Variants in NCKIPSD observed in about 807,000 individuals in gnomAD.
NCKIPSD encodes NCK interacting protein with SH3 domain.
NCKIPSD carries 48 observed loss-of-function variants against 73.4 expected under a neutral mutation model. The observed-to-expected ratio is 0.65, with a 90% CI of 0.52 to 0.83. NCKIPSD has a LOEUF of 0.83. Among genes scored for constraint, NCKIPSD ranks in the 40% least tolerant of loss-of-function variants. The probability of loss-of-function intolerance (pLI) is 0.00; values close to 1 mark genes in which losing one functional copy is unlikely to be tolerated. For synonymous variants in NCKIPSD, 422 were observed against 403.6 expected (o/e 1.05, Z -0.54); for missense variants, 884 against 970.2 (o/e 0.91, Z 1.18).
At chr3:48,676,372 T>A (rs2077257237) in intron 12 of NCKIPSD, among the ~76,000 whole-genome samples, 1 of 152,084 alleles carries the variant, frequency 6.6e-6, no homozygotes, top group Non-Finnish European at 1.5e-5. Context: ...TCCTGCCCCA[T>A]CCACTTGACT....
In NCKIPSD at chr3:48,685,656, G is replaced by A; in HGVS notation, c.152C>T (p.Ala51Val). 6.6e-7 allele frequency: 1 copy of A among 1,523,990 alleles called. No individual in the cohort carries two copies. Among genetic ancestry groups the A allele is most frequent in the African/African-American group, 1.4e-5 (1 of 70,752 alleles). The allele number at this position is 1,523,990 out of a possible 1,614,324, so 94.4% of individuals were successfully genotyped here. ...RSGETGYVPP[A>V]YLRRLQGLEQ... is the part of the protein sequence containing the mutation. ...ACTCACCTGCAGGCGGCGCAGGTAG[G>A]CTGGCGGCACGTAGCCCGTCTCACC... The change falls in exon 1 of 13, where the codon GCC (alanine) becomes GTC (valine). Residue 51 changes from alanine (A) to valine (V), a missense_variant. Physicochemically the swap from Ala to Val is moderately conservative, Grantham distance 64. Coordinates refer to ENST00000294129, the MANE Select transcript of NCKIPSD (RefSeq NM_016453.4).
intron 1 of NCKIPSD, among the ~76,000 whole-genome samples, chr3:48,685,035 G>A (rs1055335357): frequency 6.6e-6 from 1 of 151,706 alleles, no homozygotes; most frequent in African/African-American, 2.4e-5. Flanking sequence ...CAAAGCTTGG[G>A]TGTTACATAG....
intron 12 of NCKIPSD, among the ~76,000 whole-genome samples, chr3:48,675,545 A>ATC (rs985126929): frequency 1.4e-5 from 2 of 140,390 alleles, no homozygotes; most frequent in Non-Finnish European, 3.1e-5. Flanking sequence ...ATATATATAT[A>ATC]TCATTTTTTT....
At position 48,685,708 on chromosome 3, in the gene NCKIPSD, A is replaced by C; in HGVS notation, c.100T>G (p.Trp34Gly). The change falls in exon 1 of 13, where the codon TGG (tryptophan) becomes GGG (glycine). Residue 34 changes from tryptophan to glycine, a missense_variant. Physicochemically the swap from Trp to Gly is radical, Grantham distance 184. Coordinates refer to ENST00000294129, the MANE Select transcript of NCKIPSD (RefSeq NM_016453.4). ...CTGCGCGCCCGCGCGGCCAGCCACC[A>C]GTGCGCGCTGCTTCGCTCTAGCACC... ...FLVLERSSAH[W>G]WLAARARSGE... 2.0e-6 allele frequency: 3 copies of C among 1,528,046 alleles called. No individual in the cohort carries two copies. Among genetic ancestry groups the C allele is most frequent in the Non-Finnish European group, 8.7e-7 (1 of 1,143,810 alleles). The allele number at this position is 1,528,046 out of a possible 1,614,324, so 94.7% of individuals were successfully genotyped here. A position where few individuals can be genotyped will look rare whatever the true frequency, so the allele number is the denominator to read the frequency against.
In NCKIPSD at chr3:48,674,552, G is replaced by C; in HGVS notation, c.2161C>G (p.Pro721Ala). The change falls in exon 13 of 13, where the codon CCC becomes GCC. Residue 721 changes from proline (P) to alanine (A), a missense_variant. Coordinates refer to ENST00000294129, the MANE Select transcript of NCKIPSD (RefSeq NM_016453.4). ...CKEFLVLGEA[P>A]S ...GGGAGGACAGCAAGGTGCTAGCTGG[G>C]AGCCTCCCCCAGCACCAGGAATTCC... 6.3e-7 allele frequency: 1 copy of C among 1,590,024 alleles called. No individual in the cohort carries two copies. Among genetic ancestry groups the C allele is most frequent in the Non-Finnish European group, 8.6e-7 (1 of 1,167,332 alleles).
In NCKIPSD at chr3:48,678,685, A is replaced by T; in HGVS notation, c.1844T>A (p.Leu615His). 1 of 1,614,164 alleles carries T rather than the reference A, an allele frequency of 6.2e-7. No individual in the cohort carries two copies. The highest frequency in any genetic ancestry group is 1.1e-5 in the South Asian group (1 of 91,084). Residue 615 changes from leucine (L) to histidine (H), a missense_variant, in exon 12 of 13, where the codon CTC becomes CAC. Leu to His is a moderately conservative substitution (Grantham distance 99, BLOSUM62 -3). Coordinates refer to ENST00000294129, the MANE Select transcript of NCKIPSD (RefSeq NM_016453.4). Reference sequence around the variant, plus strand: ...GCCAAACACGTCCTGCAGGAACTTGAGGACAGAGTGTGGTGGCTGTGGCTC... The same window carrying T: ...GCCAAACACGTCCTGCAGGAACTTGTGGACAGAGTGTGGTGGCTGTGGCTC... ...KHEPQPPHSV[L>H]KFLQDVFGSP...
In NCKIPSD at chr3:48,679,100, C is replaced by G. The variant is rs763965385; in HGVS notation, c.1654G>C (p.Asp552His). 6.2e-7 allele frequency: 1 copy of G among 1,614,072 alleles called. No homozygotes were observed. The highest frequency in any genetic ancestry group is 8.5e-7 in the Non-Finnish European group (1 of 1,179,994). Residue 552 changes from aspartate (D) to histidine (H), a missense_variant, in exon 10 of 13, where the codon GAC becomes CAC. Coordinates refer to ENST00000294129, the MANE Select transcript of NCKIPSD (RefSeq NM_016453.4). ...LPLDTTEQLP[D>H]LCVNLLLALN... is the part of the protein sequence containing the mutation. ...GCCAGAAGCAGGTTCACGCAGAGGT[C>G]CGGCAGCTGCTCTGTGGTGTCCAAG...
intron 1 of NCKIPSD, among the ~76,000 whole-genome samples, chr3:48,683,647 TA>T (rs1326264924): frequency 6.6e-6 from 1 of 152,130 alleles, no homozygotes; most frequent in Non-Finnish European, 1.5e-5. Flanking sequence ...TGGCAAAGGA[TA>T]AACATGAGAG....
In NCKIPSD at chr3:48,678,631, T is replaced by C. The variant is rs1220029917; in HGVS notation, c.1898A>G (p.His633Arg). Residue 633 changes from histidine to arginine, a missense_variant, in exon 12 of 13, where the codon CAC (histidine) becomes CGC (arginine). His to Arg is a conservative substitution (Grantham distance 29). Transcript: ENST00000294129. ...GSPATAAIFY[H>R]TDMMALIDIT... ...GTCAATGAGAGCCATCATGTCTGTG[T>C]GGTAGAAGATGGCAGCTGTGGCCGG... is the stretch of plus-strand genomic sequence containing the variant. The C allele has an allele frequency of 6.2e-7, 1 of 1,614,216 alleles. No individual in the cohort carries two copies. The highest frequency in any genetic ancestry group is 1.1e-5 in the South Asian group (1 of 91,084).
In NCKIPSD at chr3:48,678,698, G is replaced by A. The variant is rs1347978105; in HGVS notation, c.1831C>T (p.Pro611Ser). The stretch of plus-strand genomic sequence containing the variant: ...TGCAGGAACTTGAGGACAGAGTGTG[G>A]TGGCTGTGGCTCATGTTTGAAGATG... ...VRIFKHEPQP[P>S]HSVLKFLQDV... is the part of the protein sequence containing the mutation. Residue 611 changes from proline to serine, a missense_variant, in exon 12 of 13, where the codon CCA becomes TCA. Coordinates refer to ENST00000294129, the MANE Select transcript of NCKIPSD (RefSeq NM_016453.4). The A allele has an allele frequency of 1.1e-5, 17 of 1,614,136 alleles. No individual in the cohort carries two copies. Among genetic ancestry groups the A allele is most frequent in the Non-Finnish European group, 1.4e-5 (17 of 1,180,010 alleles).
rs540116640 is a variant in NCKIPSD at position 48,679,191 on chromosome 3, A to G, written c.1571-8T>C. ...AAGGCGTGCCCAGGTGCTCTGGGAG[A>G]GGGGCGCACAGAAGTCTGCAGCCCC... On this transcript the variant is annotated splice_region_variant and splice_polypyrimidine_tract_variant and intron_variant, in intron 9 of 12. Transcript: ENST00000294129. 4.1e-5 allele frequency: 66 copies of G among 1,613,668 alleles called. 1 individual carries two copies. The South Asian group carries it at 6.9e-4, about 17-fold the overall frequency.
chr3:48,685,899 G>T lies in NCKIPSD; in HGVS notation c.-92C>A, dbSNP rs1289132331. 1.6e-6 allele frequency: 2 copies of T among 1,228,396 alleles called. No individual in the cohort carries two copies. Among genetic ancestry groups the T allele is most frequent in the African/African-American group, 1.6e-5 (1 of 62,272 alleles). 76.1% of individuals were successfully genotyped at this position (1,228,396 alleles called of 1,614,324 possible). A position where few individuals can be genotyped will look rare whatever the true frequency, so the allele number is the denominator to read the frequency against. On this transcript the variant is annotated 5_prime_UTR_variant, in exon 1 of 13. Transcript: ENST00000294129. ...CGCCGAGCCGCGCCGCGGTTGTCCC[G>T]CCCCGTGACACACTACGCAGGCGCG... is the stretch of plus-strand genomic sequence containing the variant.
intron 5 of NCKIPSD, 84 bp downstream of exon 5, chr3:48,681,203 C>G (rs548400528): frequency 1.9e-5 from 28 of 1,488,388 alleles, no homozygotes; most frequent in Non-Finnish European, 2.5e-5. Context: ...TTGAGAAATA[C>G]CTGTAATGTA....
In NCKIPSD at chr3:48,673,899, C is replaced by T. The variant is rs773672825; in HGVS notation, c.*645G>A. 17 of 1,057,580 alleles carry T rather than the reference C, an allele frequency of 1.6e-5. 1 individual carries two copies. The highest frequency in any genetic ancestry group is 8.6e-4 in the Middle Eastern group (2 of 2,334). 65.5% of individuals were successfully genotyped at this position (1,057,580 alleles called of 1,614,324 possible). On this transcript the variant is annotated 3_prime_UTR_variant, in exon 13 of 13. Transcript: ENST00000294129. ...GAGAGCTACAGCACATAGGAAAATA[C>T]ACATGGCTTTTCAGTCTACATTTTT...
Position 48,674,469 on chromosome 3 carries a change from A to C in NCKIPSD, c.*75T>G. 3 of 1,520,018 alleles carry C rather than the reference A, an allele frequency of 2.0e-6. No individual in the cohort carries two copies. Among genetic ancestry groups the C allele is most frequent in the South Asian group, 2.5e-5 (2 of 79,972 alleles). The allele number at this position is 1,520,018 out of a possible 1,614,324, so 94.2% of individuals were successfully genotyped here. ...CTTATCCCCTCCCACTGTCAGTGCA[A>C]AACATTCTTAGGGCCAAGCCCCTGA... On this transcript the variant is annotated 3_prime_UTR_variant, in exon 13 of 13. Coordinates refer to ENST00000294129, the MANE Select transcript of NCKIPSD (RefSeq NM_016453.4).
Position 48,682,144 on chromosome 3 carries a change from A to G in NCKIPSD, c.499T>C (p.Ser167Pro). Residue 167 changes from serine to proline, a missense_variant, in exon 4 of 13, where the codon TCT becomes CCT. Physicochemically the swap from Ser to Pro is moderately conservative, Grantham distance 74. Transcript: ENST00000294129. ...CGAGGCTGTGGTGGGATCTGGGAAG[A>G]TGGAAGTGGGATCTGGAAGATGGAA... Reference protein sequence around the residue: ...DGGLYQIPLPSSQIPPQPRRA... With the variant: ...DGGLYQIPLPPSQIPPQPRRA... The G allele has an allele frequency of 6.3e-7, 1 of 1,597,214 alleles. No individual in the cohort carries two copies. The highest frequency in any genetic ancestry group is 8.5e-7 in the Non-Finnish European group (1 of 1,178,358).
intron 12 of NCKIPSD, among the ~76,000 whole-genome samples, chr3:48,676,707 G>A (rs1390341265): frequency 1.3e-5 from 2 of 152,048 alleles, no homozygotes; most frequent in East Asian, 3.9e-4. Context: ...TGCCCAGGCT[G>A]ATCTTGAACT....
Position 48,679,837 on chromosome 3 carries a change from G to C in NCKIPSD, c.1314C>G (p.Phe438Leu), listed in dbSNP as rs766694862. The change falls in exon 7 of 13, where the codon TTC becomes TTG. Residue 438 changes from phenylalanine to leucine, a missense_variant. Coordinates refer to ENST00000294129, the MANE Select transcript of NCKIPSD (RefSeq NM_016453.4). ...AGGCCACCAAGGCCAGGACAGACTC[G>C]AACTCGTTTCTCTTGCACATTTTCT... Reference protein sequence around the residue: ...VCKKMCKRNEFESVLALVAYY... With the variant: ...VCKKMCKRNELESVLALVAYY... 2 of 1,614,192 alleles carry C rather than the reference G, an allele frequency of 1.2e-6. No individual in the cohort carries two copies. Among genetic ancestry groups the C allele is most frequent in the Non-Finnish European group, 1.7e-6 (2 of 1,180,034 alleles).
In NCKIPSD at chr3:48,681,686, G is replaced by A. The variant is rs2077355707; in HGVS notation, c.693C>T (p.Ser231=). ...AGCAGCTGGAGCCTGGTTCAGATGG[G>A]CTGGAGCTGGTATAGAGCGTGTCCA... is the stretch of plus-strand genomic sequence containing the variant. The part of the protein sequence containing the change: ...TSLDTLYTSS[S]PSEPGSSCSP... Residue 231 remains serine, a synonymous_variant, in exon 5 of 13, where the codon AGC becomes AGT. Transcript: ENST00000294129. 6.3e-7 allele frequency: 1 copy of A among 1,596,072 alleles called. No homozygotes were observed. Among genetic ancestry groups the A allele is most frequent in the African/African-American group, 1.3e-5 (1 of 74,768 alleles).
Sources: gnomAD v4.1 joint callset for allele counts (sites outside exome capture counted in the v4.1 genomes callset) on GRCh38, gnomAD v4.1.1 for gene constraint, MANE v1.5 for transcripts, NCBI Gene and HGNC (gene_info 2026-07-23, HGNC 2026-07-21) for gene names.